Variants in TAF4B observed in about 807,000 individuals in gnomAD.
TAF4B encodes the protein transcription initiation factor TFIID subunit 4B.
Under a neutral mutation model 86.4 loss-of-function variants are expected in TAF4B, and 38 were observed. The ratio of observed to expected loss-of-function variants is 0.44; its 90% CI spans 0.34 to 0.58. The LOEUF (loss-of-function observed/expected upper bound fraction) is 0.58, where lower values mean the gene tolerates loss of function less well. Among genes scored for constraint, TAF4B ranks in the 20% least tolerant of loss-of-function variants. TAF4B has a pLI of 0.02. For synonymous variants in TAF4B, 388 were observed against 391.2 expected (o/e 0.99, Z 0.10); for missense variants, 988 against 1,027.6 (o/e 0.96, Z 0.53).
Position 26,292,160 on chromosome 18 carries a change from A to T in TAF4B, c.1591-86A>T, listed in dbSNP as rs532857723. 1.4e-5 allele frequency: 20 copies of T among 1,443,510 alleles called. No individual in the cohort carries two copies. The East Asian group carries it at 4.9e-4, about 35-fold the overall frequency. 89.4% of individuals were successfully genotyped at this position (1,443,510 alleles called of 1,614,324 possible). ...TAAAGGTATATTTATGGCTGGGGGA[A>T]CACAATCTGTTGTTTAAAACTGAAA... On this transcript the variant is annotated intron_variant, in intron 7 of 14. Coordinates refer to ENST00000269142, the MANE Select transcript of TAF4B (RefSeq NM_005640.3).
rs746341212 is a variant in TAF4B at position 26,391,500 on chromosome 18, A to G, written c.*1488A>G. On this transcript the variant is annotated 3_prime_UTR_variant, in exon 15 of 15. Coordinates refer to ENST00000269142, the MANE Select transcript of TAF4B (RefSeq NM_005640.3). ...GTTTCAGCAAGTTATGTAAAATGCT[A>G]TAAATTATGTGTATGTTAAAGGAGT... 1.2e-4 allele frequency: 19 copies of G among 152,252 alleles called. No individual in the cohort carries two copies. Among genetic ancestry groups the G allele is most frequent in the South Asian group, 8.3e-4 (4 of 4,830 alleles). 9.4% of individuals were successfully genotyped at this position (152,252 alleles called of 1,614,324 possible). A position where few individuals can be genotyped will look rare whatever the true frequency, so the allele number is the denominator to read the frequency against.
chr18:26,328,464 TAAAAAC>T (rs2057023925), intron 12 of TAF4B, among the ~76,000 whole-genome samples: 1 of 151,724 alleles, frequency 6.6e-6, no homozygotes, highest in African/African-American at 2.4e-5. Flanking sequence ...AATAAATAAA[TAAAAAC>T]AAAACAAAAA....
intron 1 of TAF4B, among the ~76,000 whole-genome samples, chr18:26,246,025 A>T (rs1273952154): frequency 3.9e-5 from 6 of 152,222 alleles, no homozygotes; most frequent in Admixed American, 2.0e-4. Flanking sequence ...TTGTTGGTTC[A>T]AATGGTAATA....
chr18:26,285,222 G>GTTTTTGTTTTTTTTTTGTTTTTT, intron 6 of TAF4B, among the ~76,000 whole-genome samples: 1 of 45,660 alleles, frequency 2.2e-5, no homozygotes, highest in Non-Finnish European at 4.5e-5. Context: ...TTTTTTTTTT[G>GTTTTTGTTTTTTTTTTGTTTTTT]TTTTTTTTTT....
intron 13 of TAF4B, among the ~76,000 whole-genome samples, chr18:26,353,341 GA>G (rs2057259987): frequency 6.6e-6 from 1 of 152,136 alleles, no homozygotes. Context: ...AATAGTCTAA[GA>G]AACACCATGT....
At chr18:26,291,917 T>C (rs949221197) in intron 7 of TAF4B, among the ~76,000 whole-genome samples, 2 of 152,146 alleles carry the variant, frequency 1.3e-5, no homozygotes, top group African/African-American at 4.8e-5. Flanking sequence ...ATGGTATAGA[T>C]GGTTTTGTTT....
chr18:26,327,732 G>T (rs1431841640), intron 12 of TAF4B, among the ~76,000 whole-genome samples: 1 of 152,122 alleles, frequency 6.6e-6, no homozygotes, highest in African/African-American at 2.4e-5. Flanking sequence ...ACCACGCCTG[G>T]CTAATTTTTT....
chr18:26,310,990 G>A (rs1260141427), intron 9 of TAF4B, among the ~76,000 whole-genome samples: 1 of 151,760 alleles, frequency 6.6e-6, no homozygotes, highest in African/African-American at 2.4e-5. Context: ...TAATCTTGGA[G>A]ATTGTCTCAT....
chr18:26,240,299 C>T (rs1465035874), intron 1 of TAF4B, among the ~76,000 whole-genome samples: 7 of 152,292 alleles, frequency 4.6e-5, no homozygotes, highest in Non-Finnish European at 8.8e-5. Flanking sequence ...AGGTCCTTCA[C>T]GTCCCTTGTA....
chr18:26,255,596 CTG>C, intron 1 of TAF4B: 1 of 513,594 alleles, frequency 1.9e-6, no homozygotes. Flanking sequence ...GAGCAAAACT[CTG>C]TCTCCAAAAA....
At chr18:26,255,323 TC>T (rs1166898243) in intron 1 of TAF4B, among the ~76,000 whole-genome samples, 2 of 152,076 alleles carry the variant, frequency 1.3e-5, no homozygotes, top group African/African-American at 4.8e-5. Context: ...CTGGGGGAAA[TC>T]AACCCATTCA....
At chr18:26,270,672 G>A (rs2056301479) in intron 3 of TAF4B, among the ~76,000 whole-genome samples, 1 of 150,792 alleles carries the variant, frequency 6.6e-6, no homozygotes, top group Non-Finnish European at 1.5e-5. Context: ...TCAGGTGAAG[G>A]GGAAAATCTT....
intron 7 of TAF4B, among the ~76,000 whole-genome samples, chr18:26,290,768 A>G (rs978056519): frequency 6.6e-6 from 1 of 152,204 alleles, no homozygotes; most frequent in African/African-American, 2.4e-5. Context: ...TGTCTTTCAT[A>G]ATTAAAATAC....
At chr18:26,285,636 A>AG (rs1251232314) in intron 6 of TAF4B, among the ~76,000 whole-genome samples, 1 of 152,206 alleles carries the variant, frequency 6.6e-6, no homozygotes, top group Non-Finnish European at 1.5e-5. Flanking sequence ...ATTGATATTG[A>AG]GGGAATACAA....
intron 14 of TAF4B, among the ~76,000 whole-genome samples, chr18:26,370,601 T>A (rs1486430466): frequency 6.6e-6 from 1 of 152,174 alleles, no homozygotes; most frequent in Non-Finnish European, 1.5e-5. Flanking sequence ...TCTATACCTA[T>A]AATCAGCCTC....
At chr18:26,383,755 GT>G (rs1978305871) in intron 14 of TAF4B, among the ~76,000 whole-genome samples, 1 of 152,158 alleles carries the variant, frequency 6.6e-6, no homozygotes, top group Admixed American at 6.5e-5. Flanking sequence ...ACATTTAGGA[GT>G]GATGAAATGG....
chr18:26,309,936 T>G (rs1250112599), intron 9 of TAF4B, among the ~76,000 whole-genome samples: 1 of 152,228 alleles, frequency 6.6e-6, no homozygotes, highest in Non-Finnish European at 1.5e-5. Flanking sequence ...GAGATTCTCC[T>G]GCCTCAGCCT....
At chr18:26,263,992 A>C (rs1399795071) in intron 1 of TAF4B, among the ~76,000 whole-genome samples, 4 of 152,208 alleles carry the variant, frequency 2.6e-5, no homozygotes, top group Non-Finnish European at 4.4e-5. Context: ...AGGTCTACCC[A>C]AAAGAAAGAA....
intron 1 of TAF4B, among the ~76,000 whole-genome samples, chr18:26,257,405 T>G (rs557226438): frequency 1.3e-5 from 2 of 152,312 alleles, no homozygotes; most frequent in East Asian, 3.9e-4. Flanking sequence ...TATGATGTCT[T>G]TTATTTTCAA....
Sources: allele counts gnomAD v4.1 joint callset (sites outside exome capture counted in the v4.1 genomes callset), GRCh38; gene constraint gnomAD v4.1.1; transcripts MANE v1.5; gene names NCBI Gene and HGNC (gene_info 2026-07-23, HGNC 2026-07-21).